TACC2: variants seen among roughly 807,000 people sequenced by gnomAD.
The protein encoded by TACC2 is transforming acidic coiled-coil-containing protein 2.
In TACC2, 137 loss-of-function variants were observed where a neutral mutation model predicts 227.3. The ratio of observed to expected loss-of-function variants is 0.60; its 90% CI spans 0.52 to 0.69. TACC2 has a LOEUF of 0.69. TACC2 is among the 30% of genes least tolerant of loss of function. TACC2 has a pLI of 0.00. For synonymous variants in TACC2, 1,523 were observed against 1,487.5 expected (o/e 1.02, Z -0.55); for missense variants, 3,470 against 3,694.4 (o/e 0.94, Z 1.57).
intron 6 of TACC2, 59 bp from the exon 7 acceptor site, chr10:122,143,513 T>C: frequency 1.9e-6 from 3 of 1,577,364 alleles, no homozygotes; most frequent in East Asian, 4.5e-5. Context: ...TGGGGCCTGA[T>C]GAATGTGCCA....
chr10:122,240,571 A>C (rs2095967102), intron 18 of TACC2, among the ~76,000 whole-genome samples: 1 of 152,196 alleles, frequency 6.6e-6, no homozygotes, highest in South Asian at 2.1e-4. Context: ...ACCAAGGAGT[A>C]AGCAGAGCGC....
chr10:122,068,633 C>T (rs1018986729), intron 3 of TACC2, among the ~76,000 whole-genome samples: 7 of 150,906 alleles, frequency 4.6e-5, no homozygotes, highest in Non-Finnish European at 7.4e-5. Context: ...GAATTATTCC[C>T]AGCTCTGTGT....
rs371140295 is a variant in TACC2, at chr10:122,227,924, G to A, written c.7812G>A (p.Glu2604=). 7 of 1,614,246 alleles carry A rather than the reference G, an allele frequency of 4.3e-6. No individual in the cohort carries two copies. Among genetic ancestry groups the A allele is most frequent in the African/African-American group, 1.3e-5 (1 of 75,066 alleles). ...PVPRGLAPNQ[E]SHLQVPEKSS... ...CACGAGGACTGGCCCCTAACCAAGA[G>A]TCACACTTGCAGGTGCCAGAGAAAT... is the stretch of plus-strand genomic sequence containing the variant. The change falls in exon 14 of 23, where the codon GAG becomes GAA. Residue 2604 remains glutamate (E), a synonymous_variant. Transcript: ENST00000369005.
chr10:122,058,233 A>G lies in TACC2; in HGVS notation c.146+7683A>G, dbSNP rs543349918. ...TGCACGCCCCTCTTCATGAATACTC[A>G]TAGCTCTTCCTATAATCTGTTGAAT... On this transcript the variant is annotated intron_variant, in intron 3 of 22. Coordinates refer to ENST00000369005, the MANE Select transcript of TACC2 (RefSeq NM_206862.4). Among the ~76,000 whole-genome samples, 22 of 152,350 alleles carry G rather than the reference A, an allele frequency of 1.4e-4. 1 individual carries two copies. Among genetic ancestry groups the G allele is most frequent in the South Asian group, 1.0e-3 (5 of 4,828 alleles).
chr10:122,024,263 T>A (rs1957716894), intron 2 of TACC2, among the ~76,000 whole-genome samples: 1 of 152,008 alleles, frequency 6.6e-6, no homozygotes, highest in Non-Finnish European at 1.5e-5. Context: ...CTACTCAGGA[T>A]GCTGAGGTGG....
intron 7 of TACC2, among the ~76,000 whole-genome samples, chr10:122,156,338 C>T (rs1312179471): frequency 6.6e-6 from 1 of 151,506 alleles, no homozygotes; most frequent in African/African-American, 2.4e-5. Flanking sequence ...ATTCTCCTGT[C>T]TCTGCCTCCC....
In TACC2 at chr10:122,241,825, C is replaced by T. The variant is rs111704314; in HGVS notation, c.8349-133C>T. 1,944 of 803,326 alleles carry T rather than the reference C, an allele frequency of 2.4e-3. 44 individuals are homozygous for T. The South Asian group carries it at 0.027, about 11-fold the overall frequency. 49.8% of individuals were successfully genotyped at this position (803,326 alleles called of 1,614,324 possible). A position where few individuals can be genotyped will look rare whatever the true frequency, so the allele number is the denominator to read the frequency against. On this transcript the variant is annotated intron_variant, in intron 18 of 22. Coordinates refer to ENST00000369005, the MANE Select transcript of TACC2 (RefSeq NM_206862.4). ...GCACCAGGAAAATGAGCGTGCAGGG[C>T]GAGGGCTGACATTGAAGGTGACCCT...
At chr10:122,186,016 C>T (rs1001029341) in intron 7 of TACC2, among the ~76,000 whole-genome samples, 8 of 151,332 alleles carry the variant, frequency 5.3e-5, no homozygotes, top group Non-Finnish European at 8.9e-5. Context: ...CCTCAACCTC[C>T]ACCTCCTGGG....
chr10:122,134,665 T>C (rs1372537645), intron 6 of TACC2, among the ~76,000 whole-genome samples: 1 of 152,180 alleles, frequency 6.6e-6, no homozygotes, highest in Non-Finnish European at 1.5e-5. Flanking sequence ...ACCACCGTTT[T>C]AGGAAGACCC....
At chr10:122,146,879 C>G (rs1327808983) in intron 7 of TACC2, among the ~76,000 whole-genome samples, 1 of 152,122 alleles carries the variant, frequency 6.6e-6, no homozygotes, top group African/African-American at 2.4e-5. Flanking sequence ...GTGGCTGTTT[C>G]TTCTTAGACT....
At chr10:122,066,214 T>C (rs2077365511) in intron 3 of TACC2, among the ~76,000 whole-genome samples, 1 of 151,800 alleles carries the variant, frequency 6.6e-6, no homozygotes, top group Non-Finnish European at 1.5e-5. Flanking sequence ...TTCAAGTGAT[T>C]CTCCTGCCTC....
chr10:122,128,674 G>C (rs553104401), intron 5 of TACC2, among the ~76,000 whole-genome samples: 1 of 152,076 alleles, frequency 6.6e-6, no homozygotes, highest in African/African-American at 2.4e-5. Flanking sequence ...TTGTTCCCTG[G>C]CACTTAAAAT....
chr10:122,064,887 T>C (rs2077222369), intron 3 of TACC2, among the ~76,000 whole-genome samples: 2 of 152,210 alleles, frequency 1.3e-5, no homozygotes, highest in Non-Finnish European at 2.9e-5. Context: ...TAGTCCTGTA[T>C]AGATCTAGGT....
chr10:122,022,443 T>A (rs1426535736), intron 2 of TACC2: 1 of 155,616 alleles, frequency 6.4e-6, no homozygotes, highest in Non-Finnish European at 1.4e-5. Context: ...AGAGATGGGG[T>A]CTGGCTATGT....
intron 10 of TACC2, 62 bp from the exon 11 acceptor site, chr10:122,216,565 G>T (rs184551368): frequency 2.4e-4 from 379 of 1,552,732 alleles, no homozygotes; most frequent in Non-Finnish European, 3.2e-4. Context: ...AGACCTGAGG[G>T]TGGGCACAGT....
In TACC2 at chr10:122,087,094, G is replaced by C. The variant is rs774980994; in HGVS notation, c.4594G>C (p.Glu1532Gln). Residue 1532 changes from glutamate to glutamine, a missense_variant, in exon 4 of 23, where the codon GAG (glutamate) becomes CAG (glutamine). By Grantham distance (29) the Glu-to-Gln change is conservative. Coordinates refer to ENST00000369005, the MANE Select transcript of TACC2 (RefSeq NM_206862.4). ...PPTLREDERP[E>Q]GPGAAWPGLE... ...CACACTGAGGGAAGACGAGAGGCCA[G>C]AGGGGCCTGGGGCAGCCTGGCCAGG... The C allele has an allele frequency of 5.0e-6, 8 of 1,611,470 alleles. No homozygotes were observed. Among genetic ancestry groups the C allele is most frequent in the Non-Finnish European group, 6.8e-6 (8 of 1,178,976 alleles).
intron 2 of TACC2, among the ~76,000 whole-genome samples, chr10:122,046,965 G>A (rs1385734860): frequency 1.3e-5 from 2 of 152,106 alleles, no homozygotes; most frequent in Non-Finnish European, 2.9e-5. Flanking sequence ...ATAGTAAAAT[G>A]TGAGAATCAT....
chr10:122,235,149 C>T (rs1391519827), intron 16 of TACC2, among the ~76,000 whole-genome samples: 9 of 152,182 alleles, frequency 5.9e-5, no homozygotes, highest in Non-Finnish European at 8.8e-5. Flanking sequence ...TGCAGTGGCG[C>T]GATCTCAGCT....
intron 17 of TACC2, 33 bp downstream of exon 17, chr10:122,237,571 C>G: frequency 6.3e-7 from 1 of 1,591,812 alleles, no homozygotes; most frequent in Non-Finnish European, 8.6e-7. Flanking sequence ...TACCCTCTTC[C>G]TGCCACTTAT....
Sources: allele counts gnomAD v4.1 joint callset (sites outside exome capture counted in the v4.1 genomes callset), GRCh38; gene constraint gnomAD v4.1.1; transcripts MANE v1.5; gene names NCBI Gene and HGNC (gene_info 2026-07-23, HGNC 2026-07-21).